MEGF11: variants seen among roughly 807,000 people sequenced by gnomAD.
MEGF11 encodes multiple EGF like domains 11, also known as multiple epidermal growth factor-like domains protein 11.
Under a neutral mutation model 146.6 loss-of-function variants are expected in MEGF11, and 126 were observed. The observed-to-expected ratio is 0.86, with a 90% confidence interval of 0.74 to 1.00. The LOEUF is 1.00. Ranked by LOEUF, MEGF11 falls within the 50% of genes least tolerant of loss-of-function variation. The probability of loss-of-function intolerance (pLI) is 0.00; values close to 1 mark genes in which losing one functional copy is unlikely to be tolerated. For missense variants in MEGF11, 1,509 were observed against 1,521.2 expected (o/e 0.99, Z 0.13); for synonymous variants, 532 against 583.4 (o/e 0.91, Z 1.27).
chr15:66,130,959 T>G (rs931203082), intron 1 of MEGF11, among the ~76,000 whole-genome samples: 18 of 152,112 alleles, frequency 1.2e-4, no homozygotes, highest in Admixed American at 7.2e-4. Context: ...CCATTTGGAG[T>G]GACAGAGGTT....
Position 66,119,201 on chromosome 15 carries a change from A to C in MEGF11, c.201-15T>G. On this transcript the variant is annotated splice_polypyrimidine_tract_variant and intron_variant, in intron 3 of 25. Coordinates refer to ENST00000395614, the MANE Select transcript of MEGF11 (RefSeq NM_001385028.1). ...TATAACTGATCCTAAGGCACAAGGG[A>C]GAAAGCCACTTGAAAGTATTGAAAA... 1 of 1,524,528 alleles carries C rather than the reference A, an allele frequency of 6.6e-7. No individual in the cohort carries two copies. The highest frequency in any genetic ancestry group is 8.9e-7 in the Non-Finnish European group (1 of 1,123,756). 94.4% of individuals were successfully genotyped at this position (1,524,528 alleles called of 1,614,324 possible).
chr15:66,016,485 T>TG (rs1340079552), intron 5 of MEGF11, among the ~76,000 whole-genome samples: 256 of 150,784 alleles, frequency 1.7e-3, no homozygotes, highest in African/African-American at 6.1e-3. Context: ...TTCAGTTTTT[T>TG]TTTTTTTTTT....
chr15:65,966,416 C>T (rs1315037636), intron 8 of MEGF11, among the ~76,000 whole-genome samples: 1 of 152,196 alleles, frequency 6.6e-6, no homozygotes, highest in Non-Finnish European at 1.5e-5. Context: ...CGATCAGTGG[C>T]ACCTTAGGTT....
At chr15:66,033,282 T>C (rs1481793910) in intron 5 of MEGF11, among the ~76,000 whole-genome samples, 4 of 152,088 alleles carry the variant, frequency 2.6e-5, no homozygotes, top group Non-Finnish European at 5.9e-5. Flanking sequence ...CAGAGATCTC[T>C]GAGGCTGCCC....
intron 1 of MEGF11, among the ~76,000 whole-genome samples, chr15:66,250,903 AAAAAAAAAAGAATG>A (rs1047292596): frequency 6.7e-6 from 1 of 149,980 alleles, no homozygotes; most frequent in Non-Finnish European, 1.5e-5. Context: ...ACTCCGTCTC[AAAAAAAAAAGAATG>A]AAAAAAAAAG....
chr15:66,040,607 G>A (rs1490793033), intron 5 of MEGF11, among the ~76,000 whole-genome samples: 1 of 152,186 alleles, frequency 6.6e-6, no homozygotes, highest in Non-Finnish European at 1.5e-5. Context: ...TCATGCCAAG[G>A]GCTGATTATG....
At chr15:66,243,163 G>A (rs947489993) in intron 1 of MEGF11, among the ~76,000 whole-genome samples, 4 of 152,326 alleles carry the variant, frequency 2.6e-5, no homozygotes, top group African/African-American at 9.6e-5. Flanking sequence ...CCGGATCTCG[G>A]TTTCCCCATT....
intron 7 of MEGF11, among the ~76,000 whole-genome samples, chr15:65,975,338 GCTCT>G (rs1347414660): frequency 6.6e-6 from 1 of 152,190 alleles, no homozygotes; most frequent in Non-Finnish European, 1.5e-5. Flanking sequence ...CACAACCAGT[GCTCT>G]CTGAGGTCAA....
intron 1 of MEGF11, among the ~76,000 whole-genome samples, chr15:66,151,202 G>T (rs1384153259): frequency 6.6e-6 from 1 of 152,128 alleles, no homozygotes; most frequent in East Asian, 1.9e-4. Context: ...AAGCCACAAA[G>T]CCCTGACCAA....
intron 5 of MEGF11, among the ~76,000 whole-genome samples, chr15:65,991,305 TCTTA>T (rs1490302975): frequency 2.6e-5 from 4 of 152,172 alleles, no homozygotes; most frequent in Non-Finnish European, 5.9e-5. Flanking sequence ...CCTCTAATTT[TCTTA>T]CTAATCCTGT....
intron 4 of MEGF11, among the ~76,000 whole-genome samples, chr15:66,110,755 G>A (rs1766098085): frequency 6.6e-6 from 1 of 152,148 alleles, no homozygotes; most frequent in African/African-American, 2.4e-5. Context: ...TAGAGGTTTA[G>A]CAGGGAGTTT....
chr15:65,995,052 T>A (rs1406690337), intron 5 of MEGF11, among the ~76,000 whole-genome samples: 1 of 152,156 alleles, frequency 6.6e-6, no homozygotes, highest in Non-Finnish European at 1.5e-5. Context: ...TTAATCTACC[T>A]AGGATGGCCT....
intron 5 of MEGF11, among the ~76,000 whole-genome samples, chr15:65,990,244 A>C (rs2081987264): frequency 6.6e-6 from 1 of 152,102 alleles, no homozygotes. Context: ...AAAAATGCCA[A>C]AGATGTCCCC....
chr15:66,148,963 G>A (rs1442069981), intron 1 of MEGF11, among the ~76,000 whole-genome samples: 1 of 152,160 alleles, frequency 6.6e-6, no homozygotes, highest in Admixed American at 6.5e-5. Flanking sequence ...CACCATTTGG[G>A]GCCTCAGTCT....
rs2080539364 is a variant in MEGF11, at chr15:65,955,209, AATT to A, written c.1287+2335_1287+2337del. On this transcript the variant is annotated intron_variant, in intron 10 of 25. Coordinates refer to ENST00000395614, the MANE Select transcript of MEGF11 (RefSeq NM_001385028.1). ...TACGTGAGATTTTTTAATCCCAAAC[AATT>A]ATTCTCTCCTACCCAAATTCAAAAC... Among the ~76,000 whole-genome samples, 3 of 152,230 alleles carry A rather than the reference AATT, an allele frequency of 2.0e-5. 1 individual carries two copies. In the South Asian group the frequency reaches 6.2e-4, roughly 32 times the overall value.
chr15:66,131,657 C>A (rs1027695038), intron 1 of MEGF11, among the ~76,000 whole-genome samples: 6 of 152,128 alleles, frequency 3.9e-5, no homozygotes, highest in Non-Finnish European at 8.8e-5. Context: ...AACACTAGTC[C>A]CATGAGACAT....
rs767698157 is a variant in MEGF11, at chr15:65,957,507, TGGAGGTCAGGAAGGCCACG to T, written c.1287+21_1287+39del. The T allele has an allele frequency of 3.8e-6, 6 of 1,590,836 alleles. No individual in the cohort carries two copies. The South Asian group carries it at 6.8e-5, about 18-fold the overall frequency. On this transcript the variant is annotated intron_variant, in intron 10 of 25. Coordinates refer to ENST00000395614, the MANE Select transcript of MEGF11 (RefSeq NM_001385028.1). ...CAGGAGGTGAGGGGAACTGGCCCGGTGGAGGTCAGGAAGGCCACGGGAGGCCCCTCCCATCTTACCATGA... is the reference window on the plus strand; with the variant it reads ...CAGGAGGTGAGGGGAACTGGCCCGGTGGAGGCCCCTCCCATCTTACCATGA...
At chr15:66,054,425 A>C (rs976255577) in intron 5 of MEGF11, among the ~76,000 whole-genome samples, 39 of 152,210 alleles carry the variant, frequency 2.6e-4, no homozygotes, top group African/African-American at 8.4e-4. Flanking sequence ...ACATTCCCAG[A>C]CTACCTGGGC....
chr15:66,207,138 G>A (rs1039045258), intron 1 of MEGF11, among the ~76,000 whole-genome samples: 8 of 152,074 alleles, frequency 5.3e-5, no homozygotes, highest in Non-Finnish European at 1.2e-4. Flanking sequence ...AAAATATAGA[G>A]AGAAATAATA....
Sources: gnomAD v4.1 joint callset for allele counts (sites outside exome capture counted in the v4.1 genomes callset) on GRCh38, gnomAD v4.1.1 for gene constraint, MANE v1.5 for transcripts, NCBI Gene and HGNC (gene_info 2026-07-23, HGNC 2026-07-21) for gene names.